CLMP: variants seen among roughly 807,000 people sequenced by gnomAD.
CLMP encodes the protein CXADR like cell adhesion molecule, also known as CXADR-like membrane protein.
CLMP carries 27 observed loss-of-function variants against 45.2 expected under a neutral mutation model. The observed-to-expected ratio is 0.60, with a 90% CI of 0.44 to 0.82. The LOEUF is 0.82. CLMP is among the 40% of genes least tolerant of loss of function. CLMP has a pLI of 0.00. For synonymous variants in CLMP, 167 were observed against 171.4 expected (o/e 0.97, Z 0.20); for missense variants, 403 against 448.4 (o/e 0.90, Z 0.91).
chr11:123,091,146 C>T (rs570189189), intron 2 of CLMP, among the ~76,000 whole-genome samples: 8 of 152,076 alleles, frequency 5.3e-5, no homozygotes, highest in Non-Finnish European at 8.8e-5. Context: ...ATTCTGTCAC[C>T]CAGGCTGGAG....
At chr11:123,175,583 G>C (rs1861687745) in intron 1 of CLMP, among the ~76,000 whole-genome samples, 1 of 152,318 alleles carries the variant, frequency 6.6e-6, no homozygotes, top group Middle Eastern at 3.4e-3. Context: ...TCAGCCTCCT[G>C]AGTAGTTGGG....
chr11:123,170,234 C>T (rs1019076316), intron 1 of CLMP, among the ~76,000 whole-genome samples: 6 of 151,982 alleles, frequency 3.9e-5, no homozygotes, highest in African/African-American at 1.2e-4. Context: ...GTGATGTGCC[C>T]GAGTCAGGTT....
chr11:123,150,161 T>G (rs1392152643), intron 1 of CLMP, among the ~76,000 whole-genome samples: 1 of 150,470 alleles, frequency 6.6e-6, no homozygotes, highest in Non-Finnish European at 1.5e-5. Context: ...AGAGATGTTA[T>G]TGTCAGAAGT....
chr11:123,189,073 C>T (rs1032995256), intron 1 of CLMP: 1 of 152,236 alleles, frequency 6.6e-6, no homozygotes, highest in Non-Finnish European at 1.5e-5. Flanking sequence ...AGAAGGAACA[C>T]TAGTAATCCA....
chr11:123,124,737 C>G (rs780690263), intron 1 of CLMP, among the ~76,000 whole-genome samples: 1 of 152,150 alleles, frequency 6.6e-6, no homozygotes, highest in African/African-American at 2.4e-5. Context: ...CTCAGAAATG[C>G]GTACATATCC....
At chr11:123,127,195 C>T (rs147993152) in intron 1 of CLMP, among the ~76,000 whole-genome samples, 7 of 152,044 alleles carry the variant, frequency 4.6e-5, no homozygotes, top group East Asian at 3.9e-4. Context: ...GATCTCAGCT[C>T]GCTGCAACCT....
At position 123,083,250 on chromosome 11, in the gene CLMP, G is replaced by A. The variant is rs190429008; in HGVS notation, c.557-43C>T. ...ATGACTGTAAATCCCTTTAGTGATG[G>A]TATCTATATTTATTGTTTACTTTAT... On this transcript the variant is annotated intron_variant, in intron 4 of 6. Transcript: ENST00000448775. 1.5e-5 allele frequency: 23 copies of A among 1,583,284 alleles called. No homozygotes were observed. In the East Asian group the frequency reaches 2.0e-4, roughly 14 times the overall value.
chr11:123,165,343 T>C (rs1046082006), intron 1 of CLMP, among the ~76,000 whole-genome samples: 3 of 152,234 alleles, frequency 2.0e-5, no homozygotes, highest in South Asian at 2.1e-4. Flanking sequence ...ACTTGACCTA[T>C]TACAACTTTA....
At chr11:123,125,933 C>G (rs112930307) in intron 1 of CLMP, among the ~76,000 whole-genome samples, 1 of 151,994 alleles carries the variant, frequency 6.6e-6, no homozygotes, top group African/African-American at 2.4e-5. Context: ...GCTCTCTCTT[C>G]GCACAGCAGG....
At chr11:123,101,892 G>A (rs1452533387) in intron 1 of CLMP, among the ~76,000 whole-genome samples, 1 of 152,178 alleles carries the variant, frequency 6.6e-6, no homozygotes, top group Non-Finnish European at 1.5e-5. Context: ...TATAAGATAT[G>A]CAACTTCCAG....
rs143017543 is a variant in CLMP at position 123,153,653 on chromosome 11, G to A, written c.28+41260C>T. 5.6e-3 allele frequency among the ~76,000 whole-genome samples: 853 copies of A among 152,134 alleles called. 4 individuals carry two copies. The highest frequency in any genetic ancestry group is 8.4e-3 in the Non-Finnish European group (571 of 67,990). The stretch of plus-strand genomic sequence containing the variant: ...CACTAATTATTTCCATTGCACGGCC[G>A]GAGGGATTCCCTTTTAATGCTTTTT... On this transcript the variant is annotated intron_variant, in intron 1 of 6. Coordinates refer to ENST00000448775, the MANE Select transcript of CLMP (RefSeq NM_024769.5).
intron 1 of CLMP, among the ~76,000 whole-genome samples, chr11:123,150,527 GGAAA>G (rs1298642988): frequency 1.8e-5 from 2 of 113,942 alleles, no homozygotes; most frequent in African/African-American, 7.2e-5. Flanking sequence ...AAGGAAGGAA[GGAAA>G]GAAACAAGCA....
intron 1 of CLMP, among the ~76,000 whole-genome samples, chr11:123,112,827 G>A (rs1168105281): frequency 7.0e-6 from 1 of 142,530 alleles, no homozygotes; most frequent in African/African-American, 2.7e-5. Flanking sequence ...AGGCTGGAGT[G>A]CAGTGGCGCA....
At chr11:123,109,095 A>AAATGGTTG (rs1860602112) in intron 1 of CLMP, among the ~76,000 whole-genome samples, 1 of 151,940 alleles carries the variant, frequency 6.6e-6, no homozygotes, top group South Asian at 2.1e-4. Flanking sequence ...GAAAGAAAAA[A>AAATGGTTG]AATGGTTGAG....
In CLMP at chr11:123,194,952, G is replaced by A; in HGVS notation, c.-12C>T. 6.2e-7 allele frequency: 1 copy of A among 1,611,862 alleles called. No individual in the cohort carries two copies. The highest frequency in any genetic ancestry group is 8.5e-7 in the Non-Finnish European group (1 of 1,178,998). On this transcript the variant is annotated 5_prime_UTR_variant, in exon 1 of 7. Coordinates refer to ENST00000448775, the MANE Select transcript of CLMP (RefSeq NM_024769.5). ...AGGAGGAGGGACATCCCGATCCCCG[G>A]ACGCGGGCGCTTCCCCGCTCAGCTG...
At chr11:123,100,644 T>C (rs1866045524) in intron 1 of CLMP, among the ~76,000 whole-genome samples, 1 of 152,128 alleles carries the variant, frequency 6.6e-6, no homozygotes, top group Admixed American at 6.6e-5. Flanking sequence ...CACCCTCAGT[T>C]GTTGTGTTAG....
intron 1 of CLMP, among the ~76,000 whole-genome samples, chr11:123,177,946 T>C (rs1352350398): frequency 2.0e-5 from 3 of 152,180 alleles, no homozygotes; most frequent in African/African-American, 7.2e-5. Context: ...CACTGCAACC[T>C]CCGCCTCCCG....
Position 123,158,915 on chromosome 11 carries a change from A to G in CLMP, c.28+35998T>C, listed in dbSNP as rs140226546. Among the ~76,000 whole-genome samples the G allele has an allele frequency of 8.6e-4, 131 of 152,356 alleles. 4 individuals carry two copies. The East Asian group carries it at 0.02, about 24-fold the overall frequency. ...GGCTTCGATGTGTGGCATAGAGAGA[A>G]TGTTCAGTGAATATTATCTATGACC... On this transcript the variant is annotated intron_variant, in intron 1 of 6. Transcript: ENST00000448775.
At chr11:123,175,151 G>A (rs575893697) in intron 1 of CLMP, among the ~76,000 whole-genome samples, 1 of 152,222 alleles carries the variant, frequency 6.6e-6, no homozygotes, top group South Asian at 2.1e-4. Context: ...GAGACGGGGT[G>A]TATTAGTCCA....
Sources: allele counts gnomAD v4.1 joint callset (sites outside exome capture counted in the v4.1 genomes callset), GRCh38; gene constraint gnomAD v4.1.1; transcripts MANE v1.5; gene names NCBI Gene and HGNC (gene_info 2026-07-23, HGNC 2026-07-21).